The following PLXNB2 variants were observed in gnomAD, a reference collection of about 807,000 sequenced individuals.
PLXNB2 encodes plexin-B2.
A neutral mutation model predicts 202.6 loss-of-function variants in PLXNB2; 85 were observed. The observed-to-expected ratio is 0.42, with a 90% CI of 0.35 to 0.50. The LOEUF (loss-of-function observed/expected upper bound fraction) is 0.50, where lower values mean the gene tolerates loss of function less well. PLXNB2 is among the 20% of genes least tolerant of loss of function. The pLI, the probability that PLXNB2 is intolerant of heterozygous loss-of-function variation, is 0.02. For missense variants in PLXNB2, 2,063 were observed against 2,586.2 expected (o/e 0.80, Z 4.39); for synonymous variants, 1,239 against 1,137.6 (o/e 1.09, Z -1.79).
rs375570375 is a variant in PLXNB2, at chr22:50,291,254, C to T, written c.-13-657G>A. Reference sequence around the variant, plus strand: ...AAGCCAGCAATCACCCACAGCTCCTCGCTCGGCCCATGTCACGCCCAGGGC... The same window carrying T: ...AAGCCAGCAATCACCCACAGCTCCTTGCTCGGCCCATGTCACGCCCAGGGC... On this transcript the variant is annotated intron_variant, in intron 2 of 36. Coordinates refer to ENST00000359337, the MANE Select transcript of PLXNB2 (RefSeq NM_012401.4). This position sits in a 1 kb window ranked among gnomAD's most constrained non-coding sequence, Gnocchi z 4.3. Among the ~76,000 whole-genome samples the T allele has an allele frequency of 9.2e-5, 14 of 152,230 alleles. No individual in the cohort carries two copies. The highest frequency in any genetic ancestry group is 5.8e-4 in the East Asian group (3 of 5,196).
Position 50,280,817 on chromosome 22 carries a change from G to A in PLXNB2, c.3920C>T (p.Pro1307Leu), listed in dbSNP as rs201378041. ...GGCCTGCTCCACCACCGGCCGCCGC[G>A]GCTCAGGGATGTCCAGCTTGCCGGT... The part of the protein sequence containing the change: ...MITGKLDIPE[P>L]RRPVVEQALY... Residue 1307 changes from proline to leucine, a missense_variant, in exon 24 of 37, where the codon CCG becomes CTG. By Grantham distance (98) the Pro-to-Leu change is moderately conservative (BLOSUM62 -3). This residue lies in a region of PLXNB2 where 760 missense variants were observed against 1,109.4 expected (regional missense o/e 0.69). Transcript: ENST00000359337. 163 of 1,611,422 alleles carry A rather than the reference G, an allele frequency of 1.0e-4. No homozygotes were observed. The African/African-American group carries it at 1.1e-3, about 11-fold the overall frequency.
chr22:50,307,428 G>C, intron 1 of PLXNB2, 125 bp downstream of exon 1: 2 of 444,008 alleles, frequency 4.5e-6, no homozygotes, highest in Non-Finnish European at 6.0e-6. Flanking sequence ...GCCCTCCGCG[G>C]AGCCGCAGCC....
chr22:50,286,478 G>A (rs1481074636), intron 8 of PLXNB2, among the ~76,000 whole-genome samples, 191 bp from the exon 9 acceptor site: 2 of 152,168 alleles, frequency 1.3e-5, no homozygotes, highest in Non-Finnish European at 2.9e-5. Flanking sequence ...GGGCTGCCAG[G>A]ACGCCCGTTC....
At chr22:50,301,943 G>A (rs926145471) in intron 1 of PLXNB2, among the ~76,000 whole-genome samples, 16 of 152,232 alleles carry the variant, frequency 1.1e-4, no homozygotes, top group South Asian at 4.1e-4. Flanking sequence ...GGGTGCTGCC[G>A]GAAAAGCCCT....
rs372408411 is a variant in PLXNB2 at position 50,278,845 on chromosome 22, C to A, written c.4546+10G>T. The stretch of plus-strand genomic sequence containing the variant: ...CGCCTGTGTGCAGACGGGCAGGGGC[C>A]GGCACTCACCCAGGACCACGCTGTC... On this transcript the variant is annotated intron_variant, in intron 28 of 36. Coordinates refer to ENST00000359337, the MANE Select transcript of PLXNB2 (RefSeq NM_012401.4). 6.2e-7 allele frequency: 1 copy of A among 1,606,804 alleles called. No homozygotes were observed. Among genetic ancestry groups the A allele is most frequent in the Non-Finnish European group, 8.5e-7 (1 of 1,175,750 alleles).
Position 50,289,063 on chromosome 22 carries a change from G to A in PLXNB2, c.1148C>T (p.Ala383Val). 1 of 1,606,186 alleles carries A rather than the reference G, an allele frequency of 6.2e-7. No homozygotes were observed. The highest frequency in any genetic ancestry group is 8.5e-7 in the Non-Finnish European group (1 of 1,176,326). ...GTTCAGGCCTCCACGCTGCAGCACG[G>A]CTGTGCCTCTGAGCCCGTCGCGGCT... ...LGSRDGLRGT[A>V]VLQRGGLNLT... Residue 383 changes from alanine to valine, a missense_variant, in exon 4 of 37, where the codon GCC (alanine) becomes GTC (valine). This residue lies in a region of PLXNB2 where 1,303 missense variants were observed against 1,476.8 expected (regional missense o/e 0.88). Transcript: ENST00000359337. This position sits in a 1 kb window ranked among gnomAD's most constrained non-coding sequence, Gnocchi z 8.0.
Position 50,278,430 on chromosome 22 carries a change from C to G in PLXNB2, c.4732+5G>C. ...GAAGGAAACGGGCAACAGGGAGGGA[C>G]TCACGCTCCCCAGGCAGGTCCTGCT... On this transcript the variant is annotated splice_donor_5th_base_variant and intron_variant, in intron 30 of 36. Transcript: ENST00000359337. 6.4e-7 allele frequency: 1 copy of G among 1,559,606 alleles called. No individual in the cohort carries two copies. The highest frequency in any genetic ancestry group is 8.7e-7 in the Non-Finnish European group (1 of 1,151,706).
chr22:50,278,404 G>A (rs1400942118), intron 30 of PLXNB2, 31 bp downstream of exon 30: 3 of 1,559,808 alleles, frequency 1.9e-6, no homozygotes, highest in Non-Finnish European at 2.6e-6. Context: ...ACCAGGGGCT[G>A]GAAGGAAACG....
intron 15 of PLXNB2, 55 bp downstream of exon 15, chr22:50,283,547 C>T (rs2066182366): frequency 1.9e-6 from 3 of 1,593,886 alleles, no homozygotes; most frequent in South Asian, 2.2e-5. Flanking sequence ...CACCCGGAAC[C>T]CCAGCGTGGG....
At chr22:50,299,653 G>A (rs2147688978) in intron 1 of PLXNB2, among the ~76,000 whole-genome samples, 2 of 152,216 alleles carry the variant, frequency 1.3e-5, no homozygotes, top group East Asian at 3.9e-4. Flanking sequence ...GCCCCTTCCC[G>A]CAGCGCCGCG....
intron 1 of PLXNB2, among the ~76,000 whole-genome samples, chr22:50,295,024 A>G (rs949056825): frequency 2.6e-5 from 4 of 152,190 alleles, no homozygotes; most frequent in African/African-American, 7.2e-5. Context: ...GCTTAAAATA[A>G]AAGTTGCTTT....
Position 50,290,701 on chromosome 22 carries a change from A to G in PLXNB2, c.-13-104T>C, listed in dbSNP as rs747548095. ...ACGTCAGAACATGGGAGAGAGGGTC[A>G]CGCCACTCCACGAACTGAGGAACCT... On this transcript the variant is annotated intron_variant, in intron 2 of 36. Transcript: ENST00000359337. The G allele has an allele frequency of 4.7e-5, 57 of 1,211,458 alleles. No individual in the cohort carries two copies. In the Admixed American group the frequency reaches 1.4e-3, roughly 30 times the overall value. The allele number at this position is 1,211,458 out of a possible 1,614,324, so 75.0% of individuals were successfully genotyped here. A position where few individuals can be genotyped will look rare whatever the true frequency, so the allele number is the denominator to read the frequency against.
Position 50,287,701 on chromosome 22 carries a change from TG to T in PLXNB2, c.1573del (p.Gln525SerfsTer5). The T allele has an allele frequency of 6.4e-7, 1 of 1,558,180 alleles. No individual in the cohort carries two copies. ...GGCCCGCCGGCTCATGTTCTGTGGC[TG>T]GGCGCTGGTGACGGCCACGCAGGAC... ...SKSCVAVTSAQPQNMSRRAQG... is the reference protein window; with the variant it reads ...SKSCVAVTSAXPQNMSRRAQG... On this transcript the variant is annotated frameshift_variant, in exon 7 of 37. Transcript: ENST00000359337. LOFTEE classifies it high-confidence loss of function.
rs1303507354 is a variant in PLXNB2, at chr22:50,284,073, C to A, written c.2263+59G>T. The A allele has an allele frequency of 3.9e-6, 6 of 1,535,350 alleles. No homozygotes were observed. Among genetic ancestry groups the A allele is most frequent in the Non-Finnish European group, 2.6e-6 (3 of 1,141,716 alleles). On this transcript the variant is annotated intron_variant, in intron 13 of 36. Transcript: ENST00000359337. The surrounding 1 kb of genome is among the most constrained non-coding windows in gnomAD (Gnocchi z 8.0). ...CCCACTGCGCCCACCTGTCCCCCCACCCACCGCCTTGTGCCCACCCGTCCC... is the reference window on the plus strand; with the variant it reads ...CCCACTGCGCCCACCTGTCCCCCCAACCACCGCCTTGTGCCCACCCGTCCC...
chr22:50,280,995 A>T, intron 23 of PLXNB2, 22 bp from the exon 24 acceptor site: 1 of 1,609,242 alleles, frequency 6.2e-7, no homozygotes, highest in Non-Finnish European at 8.5e-7. Context: ...CTGGCGTGAG[A>T]CGTCCCTGGC....
At chr22:50,300,541 G>A (rs1421007316) in intron 1 of PLXNB2, among the ~76,000 whole-genome samples, 1 of 152,188 alleles carries the variant, frequency 6.6e-6, no homozygotes, top group African/African-American at 2.4e-5. Context: ...CGACCTAGGA[G>A]CTGGGGCGGG....
chr22:50,300,165 C>T, intron 1 of PLXNB2: 1 of 677,512 alleles, frequency 1.5e-6, no homozygotes, highest in South Asian at 6.6e-5. Context: ...CAAACCTCAC[C>T]AGGCCGGGGG....
At chr22:50,301,741 G>C (rs529779956) in intron 1 of PLXNB2, among the ~76,000 whole-genome samples, 27 of 152,368 alleles carry the variant, frequency 1.8e-4, no homozygotes, top group Admixed American at 4.6e-4. Flanking sequence ...GGGTGGACGG[G>C]TGAGGCCCCA....
rs186846228 is a variant in PLXNB2 at position 50,278,862 on chromosome 22, C to T, written c.4539G>A (p.Val1513=). 312 of 1,611,214 alleles carry T rather than the reference C, an allele frequency of 1.9e-4. 1 individual carries two copies. The highest frequency in any genetic ancestry group is 1.1e-3 in the South Asian group (102 of 90,924). The part of the protein sequence containing the change: ...PCSCWPRPDS[V]VLEWRPGSTA... ...GCAGGGGCCGGCACTCACCCAGGAC[C>T]ACGCTGTCTGGCCTGGGCCAGCAGG... The change falls in exon 28 of 37, where the codon GTG becomes GTA. Residue 1513 remains valine, a synonymous_variant. Coordinates refer to ENST00000359337, the MANE Select transcript of PLXNB2 (RefSeq NM_012401.4).
Sources: allele counts gnomAD v4.1 joint callset (sites outside exome capture counted in the v4.1 genomes callset), GRCh38; gene constraint gnomAD v4.1.1; regional missense constraint gnomAD v4.1.1; non-coding constraint Gnocchi (gnomAD v3.1); transcripts MANE v1.5; gene names NCBI Gene and HGNC (gene_info 2026-07-23, HGNC 2026-07-21).